Variants in FRYL observed in about 807,000 individuals in gnomAD.
FRYL encodes protein furry homolog-like.
A neutral mutation model predicts 351.2 loss-of-function variants in FRYL; 150 were observed. The observed-to-expected ratio is 0.43, with a 90% confidence interval of 0.37 to 0.49. The LOEUF (loss-of-function observed/expected upper bound fraction) is 0.49, where lower values mean the gene tolerates loss of function less well. FRYL is among the 20% of genes least tolerant of loss of function. The probability of loss-of-function intolerance (pLI) is 0.00; values close to 1 mark genes in which losing one functional copy is unlikely to be tolerated. For missense variants in FRYL, 3,036 were observed against 3,619.3 expected (o/e 0.84, Z 4.13); for synonymous variants, 1,153 against 1,257.1 (o/e 0.92, Z 1.75).
At chr4:48,632,106 A>ATATATGTATATG (rs1452946074) in intron 4 of FRYL, among the ~76,000 whole-genome samples, 4 of 58,202 alleles carry the variant, frequency 6.9e-5, no homozygotes, top group African/African-American at 1.6e-4. Flanking sequence ...ATATATATAT[A>ATATATGTATATG]TATATATATA....
At chr4:48,744,969 G>A (rs567520250) in intron 1 of FRYL, among the ~76,000 whole-genome samples, 1 of 152,288 alleles carries the variant, frequency 6.6e-6, no homozygotes, top group African/African-American at 2.4e-5. Context: ...AGATGTCCCA[G>A]TAAATTATGA....
chr4:48,711,064 AC>A (rs985101866), intron 1 of FRYL, among the ~76,000 whole-genome samples: 33 of 152,354 alleles, frequency 2.2e-4, no homozygotes, highest in South Asian at 8.3e-4. Context: ...CCTAAAAAAA[AC>A]ATTATGCTGG....
intron 23 of FRYL, 74 bp from the exon 24 acceptor site, chr4:48,576,296 C>T (rs1739584916): frequency 3.6e-6 from 4 of 1,116,584 alleles, no homozygotes; most frequent in African/African-American, 1.6e-5. Flanking sequence ...TTAACTAATG[C>T]TAAATTTCTT....
chr4:48,535,218 A>G (rs967892813), intron 48 of FRYL, among the ~76,000 whole-genome samples: 1 of 152,148 alleles, frequency 6.6e-6, no homozygotes, highest in African/African-American at 2.4e-5. Context: ...TTATTCTAGA[A>G]AAGATTTCTA....
chr4:48,711,601 C>A (rs1462146413), intron 1 of FRYL, among the ~76,000 whole-genome samples: 1 of 152,144 alleles, frequency 6.6e-6, no homozygotes, highest in African/African-American at 2.4e-5. Context: ...CTCAAGGAGG[C>A]CTGCCTGCCT....
At chr4:48,672,442 G>A (rs1390546076) in intron 3 of FRYL, among the ~76,000 whole-genome samples, 1 of 152,150 alleles carries the variant, frequency 6.6e-6, no homozygotes, top group Non-Finnish European at 1.5e-5. Context: ...ATTACAGCCT[G>A]AAAAGTACTC....
intron 60 of FRYL, chr4:48,505,274 C>T (rs1252851522): frequency 3.9e-5 from 15 of 382,358 alleles, no homozygotes; most frequent in African/African-American, 8.1e-5. Context: ...ACTTAAAAGC[C>T]GACCTGGACT....
At chr4:48,681,080 C>A in intron 3 of FRYL, 1 of 1,274,294 alleles carries the variant, frequency 7.8e-7, no homozygotes, top group Non-Finnish European at 1.0e-6. Context: ...TCCAAAACCA[C>A]ATCTCCCGAA....
At chr4:48,589,979 G>A in intron 17 of FRYL, 102 bp from the exon 18 acceptor site, 10 of 1,038,112 alleles carry the variant, frequency 9.6e-6, no homozygotes, top group Non-Finnish European at 1.4e-5. Context: ...TTAGCTTATT[G>A]TTGCCACAAA....
chr4:48,777,745 A>G lies in FRYL; in HGVS notation c.-384+2333T>C, dbSNP rs143919316. ...TAAGTAAACAAAGACAGACATTTAA[A>G]AACTTGGTTTAACCGTCTCCTTTTA... On this transcript the variant is annotated intron_variant, in intron 1 of 63. Transcript: ENST00000358350. Among the ~76,000 whole-genome samples, 591 of 152,378 alleles carry G rather than the reference A, an allele frequency of 3.9e-3. 3 individuals carry two copies. Among genetic ancestry groups the G allele is most frequent in the African/African-American group, 0.013 (546 of 41,590 alleles).
chr4:48,657,353 CTTTTTTT>C (rs371640944), intron 3 of FRYL, among the ~76,000 whole-genome samples: 9 of 122,382 alleles, frequency 7.4e-5, no homozygotes, highest in Non-Finnish European at 1.2e-4. Flanking sequence ...CTTTTCTTTT[CTTTTTTT>C]TTTTTTTTTT....
At chr4:48,563,602 C>T (rs747892772) in intron 31 of FRYL, among the ~76,000 whole-genome samples, 3 of 151,340 alleles carry the variant, frequency 2.0e-5, no homozygotes, top group Non-Finnish European at 4.4e-5. Flanking sequence ...CCTGGCTACT[C>T]GGGAGGTTGA....
At chr4:48,641,142 G>A (rs1365509115) in intron 3 of FRYL, among the ~76,000 whole-genome samples, 1 of 152,132 alleles carries the variant, frequency 6.6e-6, no homozygotes, top group Non-Finnish European at 1.5e-5. Context: ...CTATCCAGAG[G>A]AAAACTCTAC....
At position 48,531,067 on chromosome 4, in the gene FRYL, T is replaced by A. The variant is rs1266087244; in HGVS notation, c.6903+89A>T. On this transcript the variant is annotated intron_variant, in intron 50 of 63. Coordinates refer to ENST00000358350, the MANE Select transcript of FRYL (RefSeq NM_015030.2). ...ATATTGTCTAACACTGGGTATGAGC[T>A]CAATCAATGTTTGTTAAATCAAAGA... 6 of 893,626 alleles carry A rather than the reference T, an allele frequency of 6.7e-6. No homozygotes were observed. In the African/African-American group the frequency reaches 1.0e-4, roughly 15 times the overall value. The allele number at this position is 893,626 out of a possible 1,614,324, so 55.4% of individuals were successfully genotyped here. A position where few individuals can be genotyped will look rare whatever the true frequency, so the allele number is the denominator to read the frequency against.
intron 44 of FRYL, among the ~76,000 whole-genome samples, 195 bp downstream of exon 44, chr4:48,543,612 A>C (rs1423747080): frequency 1.3e-5 from 2 of 152,202 alleles, no homozygotes; most frequent in Admixed American, 1.3e-4. Flanking sequence ...AGGCACTAGA[A>C]TAGTTGATTT....
intron 3 of FRYL, among the ~76,000 whole-genome samples, chr4:48,678,882 A>G (rs1218727887): frequency 2.6e-5 from 4 of 152,124 alleles, no homozygotes; most frequent in African/African-American, 9.7e-5. Flanking sequence ...AATTAATACA[A>G]ATTATAAAAT....
At chr4:48,668,814 G>A (rs1297925092) in intron 3 of FRYL, among the ~76,000 whole-genome samples, 1 of 152,210 alleles carries the variant, frequency 6.6e-6, no homozygotes, top group Non-Finnish European at 1.5e-5. Context: ...GAAGTCACCA[G>A]AATTGGAGGC....
At chr4:48,643,369 A>G (rs1755709567) in intron 3 of FRYL, among the ~76,000 whole-genome samples, 1 of 152,216 alleles carries the variant, frequency 6.6e-6, no homozygotes, top group South Asian at 2.1e-4. Flanking sequence ...CTGCTAACTT[A>G]GGCTGCTTTC....
At chr4:48,539,505 T>C (rs1438106081) in intron 47 of FRYL, among the ~76,000 whole-genome samples, 1 of 152,160 alleles carries the variant, frequency 6.6e-6, no homozygotes, top group Non-Finnish European at 1.5e-5. Context: ...TGTGTGCTCC[T>C]TGAGTATTCT....
Sources: gnomAD v4.1 joint callset for allele counts (sites outside exome capture counted in the v4.1 genomes callset) on GRCh38, gnomAD v4.1.1 for gene constraint, MANE v1.5 for transcripts, NCBI Gene and HGNC (gene_info 2026-07-23, HGNC 2026-07-21) for gene names.